The following CACNB2 variants were observed in gnomAD, a reference collection of about 807,000 sequenced individuals.
CACNB2 encodes the protein calcium voltage-gated channel auxiliary subunit beta 2.
In CACNB2, 42 loss-of-function variants were observed where a neutral mutation model predicts 73.3. The ratio of observed to expected loss-of-function variants is 0.57; its 90% CI spans 0.45 to 0.74. The LOEUF is 0.74. Ranked by LOEUF, CACNB2 falls within the 30% of genes least tolerant of loss-of-function variation. CACNB2 has a pLI of 0.00. For missense variants in CACNB2, 940 were observed against 853.0 expected, an observed-to-expected ratio of 1.10 and a Z score of -1.27; for synonymous variants, 348 against 310.3, an observed-to-expected ratio of 1.12 and a Z score of -1.28.
At chr10:18,382,074 A>C (rs951105950) in intron 2 of CACNB2, among the ~76,000 whole-genome samples, 1 of 152,062 alleles carries the variant, frequency 6.6e-6, no homozygotes, top group Non-Finnish European at 1.5e-5. Context: ...AATGTGTTAT[A>C]AATGATATAT....
rs72786014 is a variant in CACNB2 at position 18,319,961 on chromosome 10, C to T, written c.214-81963C>T. Among the ~76,000 whole-genome samples, 1,102 of 152,228 alleles carry T rather than the reference C, an allele frequency of 7.2e-3. 7 individuals are homozygous for T. The highest frequency in any genetic ancestry group is 0.014 in the Middle Eastern group (4 of 294). ...GAGGCCAGTGGTGAGGATAGCAGCA[C>T]GTGAGTCCAGACAGACCGGGAGGGA... On this transcript the variant is annotated intron_variant, in intron 2 of 13. Coordinates refer to ENST00000324631, the MANE Select transcript of CACNB2 (RefSeq NM_201596.3).
chr10:18,300,336 T>C (rs978604776), intron 2 of CACNB2, among the ~76,000 whole-genome samples: 1 of 152,192 alleles, frequency 6.6e-6, no homozygotes, highest in Non-Finnish European at 1.5e-5. Context: ...TGTGTATTAA[T>C]ATCTCTGTAT....
chr10:18,498,738 A>T, intron 4 of CACNB2: 1 of 450,222 alleles, frequency 2.2e-6, no homozygotes, highest in Non-Finnish European at 4.1e-6. Context: ...GCTAGAGTAG[A>T]TGATCCTTTT....
intron 2 of CACNB2, among the ~76,000 whole-genome samples, chr10:18,343,395 C>T (rs955927008): frequency 2.6e-5 from 4 of 152,122 alleles, no homozygotes; most frequent in East Asian, 3.9e-4. Context: ...TCAGACTTGA[C>T]GTTGAATACT....
chr10:18,228,180 TAGGG>T (rs2131430846), intron 2 of CACNB2, among the ~76,000 whole-genome samples: 1 of 151,870 alleles, frequency 6.6e-6, no homozygotes, highest in Non-Finnish European at 1.5e-5. Flanking sequence ...TCCTAGCACT[TAGGG>T]AGGCCAAGGC....
chr10:18,536,779 G>C (rs776973614), intron 12 of CACNB2, among the ~76,000 whole-genome samples: 2 of 152,130 alleles, frequency 1.3e-5, no homozygotes, highest in African/African-American at 4.8e-5. Context: ...ACAAGATCCT[G>C]GTTCCGAAAA....
At chr10:18,472,270 T>A (rs2048232306) in intron 3 of CACNB2, among the ~76,000 whole-genome samples, 1 of 138,892 alleles carries the variant, frequency 7.2e-6, no homozygotes, top group Non-Finnish European at 1.5e-5. Flanking sequence ...GGAGTCTCGC[T>A]CTGTCACCCA....
chr10:18,205,294 G>T (rs115656065), intron 2 of CACNB2, among the ~76,000 whole-genome samples: 1,610 of 152,144 alleles, frequency 0.011, 24 homozygotes, highest in African/African-American at 0.034. Flanking sequence ...CGTATAATGG[G>T]GACACTAATA....
intron 2 of CACNB2, among the ~76,000 whole-genome samples, chr10:18,204,931 G>A (rs1442680376): frequency 6.8e-6 from 1 of 147,588 alleles, no homozygotes; most frequent in African/African-American, 2.5e-5. Flanking sequence ...GTTCCTACTA[G>A]TGGTAAAATG....
At chr10:18,212,574 T>C (rs1349504936) in intron 2 of CACNB2, among the ~76,000 whole-genome samples, 1 of 152,210 alleles carries the variant, frequency 6.6e-6, no homozygotes. Context: ...AAATATTCTT[T>C]TATATTTACT....
chr10:18,415,639 C>T (rs774079963), intron 3 of CACNB2, among the ~76,000 whole-genome samples: 40 of 152,140 alleles, frequency 2.6e-4, no homozygotes, highest in Admixed American at 2.4e-3. Flanking sequence ...CTACGTTAAC[C>T]AGCAATGTGA....
rs1247968416 is a variant in CACNB2, at chr10:18,542,656, T to C, written c.*2932T>C. On this transcript the variant is annotated 3_prime_UTR_variant, in exon 14 of 14. Coordinates refer to ENST00000324631, the MANE Select transcript of CACNB2 (RefSeq NM_201596.3). ...CCTCAAAGAACTAGCTTGAAGGATT[T>C]GACATAAGAGCCGCTATATGTGAAA... 2 of 152,186 alleles carry C rather than the reference T, an allele frequency of 1.3e-5. No individual in the cohort carries two copies. Among genetic ancestry groups the C allele is most frequent in the African/African-American group, 4.8e-5 (2 of 41,444 alleles). 9.4% of individuals were successfully genotyped at this position (152,186 alleles called of 1,614,324 possible).
chr10:18,305,130 A>T (rs1287231897), intron 2 of CACNB2, among the ~76,000 whole-genome samples: 1 of 152,192 alleles, frequency 6.6e-6, no homozygotes, highest in African/African-American at 2.4e-5. Flanking sequence ...CCCCTGTGGG[A>T]ACTTCATCAC....
At chr10:18,364,307 T>A (rs532901086) in intron 2 of CACNB2, among the ~76,000 whole-genome samples, 67 of 151,906 alleles carry the variant, frequency 4.4e-4, no homozygotes, top group Non-Finnish European at 8.7e-4. Context: ...CTAATTTTTT[T>A]TTTTTTTCTG....
intron 2 of CACNB2, among the ~76,000 whole-genome samples, chr10:18,180,357 T>C (rs1050668840): frequency 1.3e-5 from 2 of 152,176 alleles, no homozygotes; most frequent in Non-Finnish European, 2.9e-5. Context: ...GTTTAACTCC[T>C]TTAATAAGTA....
intron 2 of CACNB2, among the ~76,000 whole-genome samples, chr10:18,359,463 G>T (rs1299295938): frequency 6.6e-6 from 1 of 152,002 alleles, no homozygotes; most frequent in East Asian, 1.9e-4. Flanking sequence ...TAGCAGGGAT[G>T]AGATTTTATC....
At chr10:18,236,848 G>A (rs994446370) in intron 2 of CACNB2, among the ~76,000 whole-genome samples, 10 of 152,008 alleles carry the variant, frequency 6.6e-5, no homozygotes, top group East Asian at 3.9e-4. Flanking sequence ...GCCTCCTCTC[G>A]GCTAAGGATC....
intron 2 of CACNB2, among the ~76,000 whole-genome samples, chr10:18,163,328 T>C (rs1274515584): frequency 7.4e-6 from 1 of 134,860 alleles, no homozygotes; most frequent in African/African-American, 2.9e-5. Context: ...ATATGTAGTA[T>C]TTATTATATC....
chr10:18,377,149 A>G (rs1287768803), intron 2 of CACNB2, among the ~76,000 whole-genome samples: 5 of 152,208 alleles, frequency 3.3e-5, no homozygotes, highest in Admixed American at 2.6e-4. Context: ...AGAAAACCAA[A>G]AACCACCCGT....
Sources: gnomAD v4.1 joint callset for allele counts (sites outside exome capture counted in the v4.1 genomes callset) on GRCh38, gnomAD v4.1.1 for gene constraint, MANE v1.5 for transcripts, NCBI Gene and HGNC (gene_info 2026-07-23, HGNC 2026-07-21) for gene names.